SLA: variants seen among roughly 807,000 people sequenced by gnomAD.
SLA encodes the protein src-like-adapter.
In SLA, 16 loss-of-function variants were observed where a neutral mutation model predicts 30.3. That is an observed-to-expected ratio of 0.53 (90% CI 0.36 to 0.80). The LOEUF (loss-of-function observed/expected upper bound fraction) is 0.80. SLA is among the 30% of genes least tolerant of loss of function. The probability of loss-of-function intolerance (pLI) is 0.01; values close to 1 mark genes in which losing one functional copy is unlikely to be tolerated. For synonymous variants in SLA, 143 were observed against 137.8 expected, an observed-to-expected ratio of 1.04 and a Z score of -0.26; for missense variants, 310 against 345.2, an observed-to-expected ratio of 0.90 and a Z score of 0.81.
chr8:133,063,106 C>G (rs1842610557), intron 2 of SLA, among the ~76,000 whole-genome samples: 1 of 151,878 alleles, frequency 6.6e-6, no homozygotes, highest in Non-Finnish European at 1.5e-5. Flanking sequence ...GCTGGCCTTG[C>G]CCATTTGCCA....
At chr8:133,071,385 C>T (rs982246926) in intron 2 of SLA, among the ~76,000 whole-genome samples, 4 of 152,148 alleles carry the variant, frequency 2.6e-5, no homozygotes, top group Non-Finnish European at 5.9e-5. Flanking sequence ...TCCCAGCTAC[C>T]GTGTCCTTAG....
At chr8:133,082,315 G>C (rs1166072811) in intron 1 of SLA, among the ~76,000 whole-genome samples, 1 of 152,202 alleles carries the variant, frequency 6.6e-6, no homozygotes, top group Non-Finnish European at 1.5e-5. Flanking sequence ...CACTTTGCAT[G>C]ACTGGGGCAA....
chr8:133,074,111 A>G (rs948688229), intron 2 of SLA, among the ~76,000 whole-genome samples: 1 of 152,204 alleles, frequency 6.6e-6, no homozygotes, highest in Non-Finnish European at 1.5e-5. Flanking sequence ...CATATTTCTT[A>G]GAAAATTCCC....
At chr8:133,083,536 A>G (rs550677779) in intron 1 of SLA, among the ~76,000 whole-genome samples, 1 of 152,284 alleles carries the variant, frequency 6.6e-6, no homozygotes, top group African/African-American at 2.4e-5. Context: ...CCCATGGCCT[A>G]TGCTCTTGAT....
chr8:133,088,155 C>T (rs873177), intron 1 of SLA, among the ~76,000 whole-genome samples: 1 of 152,052 alleles, frequency 6.6e-6, no homozygotes, highest in South Asian at 2.1e-4. Context: ...TTGGGATAGA[C>T]TCTCCCTTGT....
At chr8:133,080,323 AC>A (rs1845560770) in intron 1 of SLA, among the ~76,000 whole-genome samples, 1 of 152,148 alleles carries the variant, frequency 6.6e-6, no homozygotes, top group Non-Finnish European at 1.5e-5. Flanking sequence ...ATGTATCTAG[AC>A]TTCACCTGAA....
At chr8:133,050,191 C>G (rs1840146820) in intron 4 of SLA, 3 of 573,940 alleles carry the variant, frequency 5.2e-6, no homozygotes, top group Non-Finnish European at 9.4e-6. Context: ...CCCTCCATTG[C>G]AAGCCAACTG....
chr8:133,067,646 G>T (rs982542224), intron 2 of SLA, among the ~76,000 whole-genome samples: 7 of 152,018 alleles, frequency 4.6e-5, no homozygotes, highest in Admixed American at 4.6e-4. Context: ...TGTGGTGGCA[G>T]CTTCCTGTAA....
chr8:133,089,979 C>G (rs1242856133), intron 1 of SLA: 2 of 152,204 alleles, frequency 1.3e-5, no homozygotes, highest in Non-Finnish European at 2.9e-5. Flanking sequence ...GAATTCTTGG[C>G]TTACTCCTGC....
At chr8:133,096,089 T>C (rs1588083924) in intron 1 of SLA, 4 of 1,317,454 alleles carry the variant, frequency 3.0e-6, no homozygotes, top group Non-Finnish European at 4.3e-6. Flanking sequence ...TCACTTTTTC[T>C]CAGTAGAGTC....
intron 2 of SLA, among the ~76,000 whole-genome samples, chr8:133,068,717 T>C (rs2131401767): frequency 6.6e-6 from 1 of 152,334 alleles, no homozygotes; most frequent in South Asian, 2.1e-4. Flanking sequence ...TGAAGAGCTG[T>C]CTGGCATACG....
intron 1 of SLA, chr8:133,094,852 C>G (rs1848169720): frequency 1.4e-6 from 1 of 720,650 alleles, no homozygotes; most frequent in African/African-American, 1.7e-5. Context: ...GAGACATCTT[C>G]AGTATCACAC....
In SLA at chr8:133,040,173, C is replaced by A. The variant is rs750497204; in HGVS notation, c.485-43G>T. Reference sequence around the variant, plus strand: ...CAGCCGGTCAGGGACCCTGGGGACGCCTCAGCCAGTGTGGGGTTCAGGCCT... The same window carrying A: ...CAGCCGGTCAGGGACCCTGGGGACGACTCAGCCAGTGTGGGGTTCAGGCCT... On this transcript the variant is annotated intron_variant, in intron 7 of 8. Coordinates refer to ENST00000338087, the MANE Select transcript of SLA (RefSeq NM_001045556.3). 7.7e-6 allele frequency: 12 copies of A among 1,559,034 alleles called. No individual in the cohort carries two copies. The African/African-American group carries it at 1.6e-4, about 21-fold the overall frequency.
Position 133,050,836 on chromosome 8 carries a change from C to A in SLA, c.141G>T (p.Glu47Asp). The change falls in exon 4 of 9, where the codon GAG becomes GAT. Residue 47 changes from glutamate (E) to aspartate (D), a missense_variant. By Grantham distance (45) the Glu-to-Asp change is conservative. Coordinates refer to ENST00000338087, the MANE Select transcript of SLA (RefSeq NM_001045556.3). ...DISPPIFRRG[E>D]KLRVISDEGG... ...CTCACTCAGAAATCACACGCAGTTT[C>A]TCCCCTCGGCGGAATATCGGGGGGC... 1.9e-6 allele frequency: 3 copies of A among 1,610,898 alleles called. No individual in the cohort carries two copies. Among genetic ancestry groups the A allele is most frequent in the Non-Finnish European group, 2.5e-6 (3 of 1,177,000 alleles).
chr8:133,096,190 G>A, intron 1 of SLA: 1 of 1,614,164 alleles, frequency 6.2e-7, no homozygotes, highest in Non-Finnish European at 8.5e-7. Flanking sequence ...ACTGATTATT[G>A]TTGCATCCAA....
At chr8:133,093,243 T>C (rs1055845139) in intron 1 of SLA, among the ~76,000 whole-genome samples, 3 of 152,150 alleles carry the variant, frequency 2.0e-5, no homozygotes, top group Non-Finnish European at 4.4e-5. Flanking sequence ...AACAATAGGC[T>C]AAATCATATT....
intron 3 of SLA, among the ~76,000 whole-genome samples, chr8:133,057,940 G>A (rs986330097): frequency 1.3e-5 from 2 of 152,156 alleles, no homozygotes; most frequent in Admixed American, 6.5e-5. Flanking sequence ...GTCTGTGGAG[G>A]GTCTGTGGTG....
chr8:133,096,341 G>A (rs757815753), intron 1 of SLA: 5 of 1,614,066 alleles, frequency 3.1e-6, no homozygotes, highest in African/African-American at 1.3e-5. Context: ...TTCTCAGGAC[G>A]ACGGGCTCAT....
At chr8:133,090,519 C>A (rs540404793) in intron 1 of SLA, among the ~76,000 whole-genome samples, 3 of 152,228 alleles carry the variant, frequency 2.0e-5, no homozygotes, top group African/African-American at 7.2e-5. Flanking sequence ...GAGGCACTTT[C>A]CCCCAAGTCA....
Sources: gnomAD v4.1 joint callset for allele counts (sites outside exome capture counted in the v4.1 genomes callset) on GRCh38, gnomAD v4.1.1 for gene constraint, MANE v1.5 for transcripts, NCBI Gene and HGNC (gene_info 2026-07-23, HGNC 2026-07-21) for gene names.